Variants in ZNF536 observed in about 807,000 individuals in gnomAD.
ZNF536 encodes the protein zinc finger protein 536.
A neutral mutation model predicts 84.5 loss-of-function variants in ZNF536; 13 were observed. That is an observed-to-expected ratio of 0.15 (90% CI 0.10 to 0.24). The LOEUF (loss-of-function observed/expected upper bound fraction) is 0.24. Ranked by LOEUF, ZNF536 falls within the 10% of genes least tolerant of loss-of-function variation. The pLI, the probability that ZNF536 is intolerant of heterozygous loss-of-function variation, is 1.00. For missense variants in ZNF536, 1,536 were observed against 1,747.5 expected (o/e 0.88, Z 2.16); for synonymous variants, 811 against 742.5 (o/e 1.09, Z -1.50).
chr19:30,381,094 T>C (rs1753641993), intron 1 of ZNF536, among the ~76,000 whole-genome samples: 1 of 152,128 alleles, frequency 6.6e-6, no homozygotes, highest in Non-Finnish European at 1.5e-5. Flanking sequence ...CCCAAGTTGG[T>C]CTTGAACTCC....
intron 1 of ZNF536, among the ~76,000 whole-genome samples, chr19:30,415,253 TC>T (rs1600639735): frequency 9.3e-6 from 1 of 107,662 alleles, no homozygotes; most frequent in South Asian, 4.5e-4. Context: ...CTCTTCTCCC[TC>T]CCCCTTCTCC....
chr19:30,345,981 G>A (rs2047729517), intron 2 of ZNF536, among the ~76,000 whole-genome samples: 1 of 152,196 alleles, frequency 6.6e-6, no homozygotes, highest in Non-Finnish European at 1.5e-5. Flanking sequence ...TGCCTAGTGT[G>A]ACCAGGTTGA....
intron 2 of ZNF536, among the ~76,000 whole-genome samples, chr19:30,332,638 C>T (rs892372843): frequency 2.0e-5 from 3 of 152,182 alleles, no homozygotes; most frequent in African/African-American, 7.2e-5. Flanking sequence ...CTCACTTCAT[C>T]ATAACCTGTA....
intron 1 of ZNF536, among the ~76,000 whole-genome samples, chr19:30,685,989 G>A (rs75888473): frequency 0.017 from 2,617 of 152,334 alleles, 35 homozygotes; most frequent in Non-Finnish European, 0.025. Flanking sequence ...CCCAGTCTGT[G>A]GCAATGGCTG....
At chr19:30,373,090 C>G (rs1457439016) in intron 1 of ZNF536, among the ~76,000 whole-genome samples, 1 of 152,238 alleles carries the variant, frequency 6.6e-6, no homozygotes, top group Admixed American at 6.5e-5. Flanking sequence ...TTGGGTTCTG[C>G]TTTTTGACGT....
chr19:30,567,708 A>G (rs985548646), intron 1 of ZNF536, among the ~76,000 whole-genome samples: 5 of 152,130 alleles, frequency 3.3e-5, no homozygotes, highest in Non-Finnish European at 5.9e-5. Flanking sequence ...GACCAGGATA[A>G]TATTTATCAA....
intron 1 of ZNF536, among the ~76,000 whole-genome samples, chr19:30,663,178 C>T (rs1281077162): frequency 6.6e-6 from 1 of 152,010 alleles, no homozygotes; most frequent in Non-Finnish European, 1.5e-5. Context: ...CCTGTCCATT[C>T]CTGCACATTT....
chr19:30,628,000 C>T (rs1210755676), intron 1 of ZNF536, among the ~76,000 whole-genome samples: 1 of 152,186 alleles, frequency 6.6e-6, no homozygotes, highest in Non-Finnish European at 1.5e-5. Flanking sequence ...CCCGTACCAC[C>T]CCTGCTTCCC....
intron 1 of ZNF536, among the ~76,000 whole-genome samples, chr19:30,692,576 T>C (rs1600284698): frequency 6.6e-6 from 1 of 152,230 alleles, no homozygotes; most frequent in Non-Finnish European, 1.5e-5. Context: ...TTTACTGTTT[T>C]TGCCTGAAGG....
intron 1 of ZNF536, among the ~76,000 whole-genome samples, chr19:30,617,341 T>TTTTTTTTTTTTTTC (rs2048334356): frequency 1.8e-5 from 1 of 56,872 alleles, no homozygotes; most frequent in Non-Finnish European, 3.1e-5. Flanking sequence ...TACTTTTTTT[T>TTTTTTTTTTTTTTC]TTTTTTTTTT....
intron 1 of ZNF536, among the ~76,000 whole-genome samples, chr19:30,596,940 C>A (rs922013050): frequency 6.6e-6 from 1 of 151,866 alleles, no homozygotes; most frequent in African/African-American, 2.4e-5. Context: ...CTGACCTTTT[C>A]GGGGAGCCCA....
At chr19:30,283,705 A>G (rs562474302) in intron 1 of ZNF536, among the ~76,000 whole-genome samples, 2 of 151,786 alleles carry the variant, frequency 1.3e-5, no homozygotes, top group South Asian at 4.2e-4. Context: ...TGAGAATTCT[A>G]AAGAAGAGAG....
At position 30,443,598 on chromosome 19, in the gene ZNF536, G is replaced by C. The variant is rs141139128; in HGVS notation, c.36G>C (p.Ser12=). 1 of 1,582,346 alleles carries C rather than the reference G, an allele frequency of 6.3e-7. No homozygotes were observed. The highest frequency in any genetic ancestry group is 1.4e-5 in the African/African-American group (1 of 73,858). ...CGAGCCTGTGCCTTGGAGTGTCTTC[G>C]GCGGAGCCGGAAGCTGAGCCCCACC... ...EEASLCLGVS[S]AEPEAEPHLS... The change falls in exon 2 of 5, where the codon TCG becomes TCC. Residue 12 remains serine (S), a synonymous_variant. Transcript: ENST00000355537.
intron 2 of ZNF536, among the ~76,000 whole-genome samples, chr19:30,515,162 T>G (rs1052896352): frequency 1.3e-5 from 2 of 152,074 alleles, no homozygotes; most frequent in Non-Finnish European, 2.9e-5. Context: ...CTTGGGAGCC[T>G]GAGATGGGAG....
At chr19:30,312,819 G>T (rs1457496111) in intron 2 of ZNF536, among the ~76,000 whole-genome samples, 2 of 152,232 alleles carry the variant, frequency 1.3e-5, no homozygotes, top group Non-Finnish European at 2.9e-5. Context: ...TGCACAGAGA[G>T]CCAGGAGCCT....
At chr19:30,698,098 C>T (rs2147964075) in intron 1 of ZNF536, among the ~76,000 whole-genome samples, 1 of 152,314 alleles carries the variant, frequency 6.6e-6, no homozygotes, top group East Asian at 1.9e-4. Flanking sequence ...TCAAGACCAG[C>T]CTGGCCAACA....
chr19:30,482,619 C>T (rs959671886), intron 2 of ZNF536, among the ~76,000 whole-genome samples: 15 of 151,940 alleles, frequency 9.9e-5, no homozygotes, highest in African/African-American at 3.4e-4. Context: ...AATATTCCTT[C>T]ATTATATTCT....
intron 3 of ZNF536, among the ~76,000 whole-genome samples, chr19:30,364,457 T>C (rs2048365083): frequency 1.3e-5 from 2 of 152,010 alleles, no homozygotes; most frequent in Non-Finnish European, 2.9e-5. Context: ...AGCCCAGGGG[T>C]CAGTGAGCCA....
At chr19:30,661,587 A>G (rs2050124938) in intron 1 of ZNF536, among the ~76,000 whole-genome samples, 1 of 152,236 alleles carries the variant, frequency 6.6e-6, no homozygotes, top group African/African-American at 2.4e-5. Context: ...AAGTTTTTCC[A>G]AAGAAAATTA....
Sources: gnomAD v4.1 joint callset for allele counts (sites outside exome capture counted in the v4.1 genomes callset) on GRCh38, gnomAD v4.1.1 for gene constraint, MANE v1.5 for transcripts, NCBI Gene and HGNC (gene_info 2026-07-23, HGNC 2026-07-21) for gene names.